Variants in ALK observed in about 807,000 individuals in gnomAD.
ALK encodes ALK tyrosine kinase receptor.
A neutral mutation model predicts 163.1 loss-of-function variants in ALK; 74 were observed. The ratio of observed to expected loss-of-function variants is 0.45; its 90% CI spans 0.38 to 0.55. The LOEUF (loss-of-function observed/expected upper bound fraction) is 0.55, where lower values mean the gene tolerates loss of function less well. ALK is among the 20% of genes least tolerant of loss of function. The probability of loss-of-function intolerance (pLI) is 0.00; values close to 1 mark genes in which losing one functional copy is unlikely to be tolerated. For synonymous variants in ALK, 960 were observed against 843.2 expected, an observed-to-expected ratio of 1.14 and a Z score of -2.40; for missense variants, 2,063 against 2,105.3, an observed-to-expected ratio of 0.98 and a Z score of 0.39.
At position 29,827,947 on chromosome 2, in the gene ALK, C is replaced by T. The variant is rs184292739; in HGVS notation, c.667+92046G>A. On this transcript the variant is annotated intron_variant, in intron 1 of 28. Coordinates refer to ENST00000389048, the MANE Select transcript of ALK (RefSeq NM_004304.5). ...CAAGGCTACAGTAACCAAAACAGCA[C>T]GGTACTGGTACCAAAACAGAGATAT... Among the ~76,000 whole-genome samples, 1,119 of 152,196 alleles carry T rather than the reference C, an allele frequency of 7.4e-3. 18 individuals are homozygous for T. Among genetic ancestry groups the T allele is most frequent in the African/African-American group, 0.022 (913 of 41,528 alleles).
intron 1 of ALK, among the ~76,000 whole-genome samples, chr2:29,741,939 A>C (rs1680072220): frequency 6.6e-6 from 1 of 152,210 alleles, no homozygotes; most frequent in African/African-American, 2.4e-5. Flanking sequence ...GGGACTAAGA[A>C]GGTTTCAATC....
intron 1 of ALK, among the ~76,000 whole-genome samples, chr2:29,816,355 G>A (rs1467329253): frequency 6.6e-6 from 1 of 152,088 alleles, no homozygotes; most frequent in Non-Finnish European, 1.5e-5. Context: ...CTGCCTCACG[G>A]GTTGTTGCAT....
At chr2:29,750,697 A>AAGGCAGGC (rs1398822511) in intron 1 of ALK, among the ~76,000 whole-genome samples, 2,656 of 84,472 alleles carry the variant, frequency 0.031, 226 homozygotes, top group African/African-American at 0.052. Flanking sequence ...GGAAGGAAGG[A>AAGGCAGGC]AGGCAGGCAG....
intron 7 of ALK, 72 bp from the exon 8 acceptor site, chr2:29,318,476 G>C (rs1666901289): frequency 9.5e-7 from 1 of 1,058,176 alleles, no homozygotes; most frequent in Non-Finnish European, 1.5e-6. Context: ...AGGGTTAATG[G>C]ACTGTGCACA....
chr2:29,806,786 G>A (rs773607774), intron 1 of ALK, among the ~76,000 whole-genome samples: 25 of 152,276 alleles, frequency 1.6e-4, no homozygotes, highest in African/African-American at 4.8e-4. Context: ...GTACAGGCAC[G>A]CATGGGGGCC....
chr2:29,504,872 C>A (rs1672274271), intron 4 of ALK, among the ~76,000 whole-genome samples: 1 of 152,092 alleles, frequency 6.6e-6, no homozygotes, highest in Admixed American at 6.5e-5. Flanking sequence ...CCACAATTAC[C>A]TTTGCACCAT....
At chr2:29,713,845 T>A (rs1679173888) in intron 2 of ALK, among the ~76,000 whole-genome samples, 1 of 152,040 alleles carries the variant, frequency 6.6e-6, no homozygotes, top group African/African-American at 2.4e-5. Flanking sequence ...ATCATGTTTT[T>A]TTTTTTTAAA....
At chr2:29,615,875 A>C (rs891712807) in intron 3 of ALK, among the ~76,000 whole-genome samples, 2 of 152,260 alleles carry the variant, frequency 1.3e-5, no homozygotes, top group Admixed American at 1.3e-4. Context: ...TCACCCCAGG[A>C]AGTCAAATTA....
rs898666576 is a variant in ALK, at chr2:29,921,209, G to A, written c.-550C>T. ...GTCTGGGCGGGAACCGAGGGCGGAGGCTGCCGTCTTGCGCACCCTCAAGCT... is the reference window on the plus strand; with the variant it reads ...GTCTGGGCGGGAACCGAGGGCGGAGACTGCCGTCTTGCGCACCCTCAAGCT... On this transcript the variant is annotated 5_prime_UTR_variant, in exon 1 of 29. Transcript: ENST00000389048. 2.1e-5 allele frequency: 5 copies of A among 234,330 alleles called. No homozygotes were observed. The highest frequency in any genetic ancestry group is 4.4e-5 in the African/African-American group (2 of 45,374). 14.5% of individuals were successfully genotyped at this position (234,330 alleles called of 1,614,324 possible). A position where few individuals can be genotyped will look rare whatever the true frequency, so the allele number is the denominator to read the frequency against.
At chr2:29,420,052 G>A (rs1669978109) in intron 4 of ALK, among the ~76,000 whole-genome samples, 1 of 150,528 alleles carries the variant, frequency 6.6e-6, no homozygotes. Flanking sequence ...AGCTACTCAG[G>A]AGGCTGAGGC....
At chr2:29,326,927 A>C (rs1158102052) in intron 6 of ALK, among the ~76,000 whole-genome samples, 1 of 152,158 alleles carries the variant, frequency 6.6e-6, no homozygotes, top group Non-Finnish European at 1.5e-5. Context: ...GCCCCACCCC[A>C]GGCACCATTC....
chr2:29,403,891 AAC>A (rs1669513591), intron 4 of ALK, among the ~76,000 whole-genome samples: 1 of 152,100 alleles, frequency 6.6e-6, no homozygotes, highest in Non-Finnish European at 1.5e-5. Flanking sequence ...CAACTTGAGC[AAC>A]AGAGAGAGAC....
At chr2:29,466,868 T>A (rs1380851769) in intron 4 of ALK, among the ~76,000 whole-genome samples, 1 of 152,388 alleles carries the variant, frequency 6.6e-6, no homozygotes, top group East Asian at 1.9e-4. Flanking sequence ...GCACATATTT[T>A]ACATCTGATA....
intron 4 of ALK, among the ~76,000 whole-genome samples, chr2:29,498,815 T>C (rs1382800238): frequency 6.6e-6 from 1 of 152,214 alleles, no homozygotes; most frequent in Non-Finnish European, 1.5e-5. Flanking sequence ...TGTCTATTCA[T>C]CGCACTAGTG....
At chr2:29,213,906 T>C in intron 24 of ALK, 78 bp downstream of exon 24, 1 of 1,231,916 alleles carries the variant, frequency 8.1e-7, no homozygotes, top group East Asian at 2.3e-5. Context: ...AAGGGGGAAA[T>C]GTGAGCCCTT....
intron 1 of ALK, among the ~76,000 whole-genome samples, chr2:29,881,053 A>G (rs775274110): frequency 2.0e-5 from 3 of 152,188 alleles, no homozygotes; most frequent in Non-Finnish European, 4.4e-5. Flanking sequence ...CTCTACTCCA[A>G]CAGAACGTAG....
intron 3 of ALK, among the ~76,000 whole-genome samples, chr2:29,543,011 T>A (rs764607579): frequency 9.9e-5 from 15 of 152,098 alleles, no homozygotes; most frequent in Non-Finnish European, 1.9e-4. Context: ...CAGCTTTTTT[T>A]ATATATATTG....
At chr2:29,552,703 T>C (rs2148176375) in intron 3 of ALK, among the ~76,000 whole-genome samples, 1 of 152,354 alleles carries the variant, frequency 6.6e-6, no homozygotes, top group South Asian at 2.1e-4. Context: ...GTTGGGTTGT[T>C]TGCTTTTATC....
At chr2:29,474,689 A>T (rs1671459239) in intron 4 of ALK, among the ~76,000 whole-genome samples, 3 of 152,234 alleles carry the variant, frequency 2.0e-5, no homozygotes, top group Admixed American at 2.0e-4. Context: ...TTGTGGATTC[A>T]GGAATATGCT....
Sources: allele counts gnomAD v4.1 joint callset (sites outside exome capture counted in the v4.1 genomes callset), GRCh38; gene constraint gnomAD v4.1.1; transcripts MANE v1.5; gene names NCBI Gene and HGNC (gene_info 2026-07-23, HGNC 2026-07-21).